The following PPP2R2B variants were observed in gnomAD, a reference collection of about 807,000 sequenced individuals.
PPP2R2B encodes serine/threonine-protein phosphatase 2A 55 kDa regulatory subunit B beta isoform.
PPP2R2B carries 5 observed loss-of-function variants against 46.0 expected under a neutral mutation model. The ratio of observed to expected loss-of-function variants is 0.11; its 90% CI spans 0.06 to 0.23. PPP2R2B has a LOEUF of 0.23. PPP2R2B is among the 10% of genes least tolerant of loss of function. The pLI is 1.00. For synonymous variants in PPP2R2B, 215 were observed against 206.7 expected, an observed-to-expected ratio of 1.04 and a Z score of -0.34; for missense variants, 367 against 575.0, an observed-to-expected ratio of 0.64 and a Z score of 3.70.
At chr5:146,824,682 T>C (rs753210488) in intron 2 of PPP2R2B, among the ~76,000 whole-genome samples, 6 of 151,736 alleles carry the variant, frequency 4.0e-5, no homozygotes, top group Non-Finnish European at 5.9e-5. Context: ...AAACTCTTCA[T>C]AATAATTAAT....
chr5:146,673,897 T>C (rs943579353), intron 5 of PPP2R2B, among the ~76,000 whole-genome samples: 5 of 152,240 alleles, frequency 3.3e-5, no homozygotes, highest in Non-Finnish European at 7.3e-5. Context: ...ACTTGCAGTT[T>C]CCCATTCTCA....
chr5:146,989,851 A>G (rs1232781093), intron 1 of PPP2R2B, among the ~76,000 whole-genome samples: 1 of 151,998 alleles, frequency 6.6e-6, no homozygotes, highest in Admixed American at 6.6e-5. Context: ...AGAAAATCCT[A>G]AAGACTCCAC....
intron 1 of PPP2R2B, among the ~76,000 whole-genome samples, chr5:147,021,613 G>A (rs989086750): frequency 1.3e-5 from 2 of 152,146 alleles, no homozygotes; most frequent in African/African-American, 2.4e-5. Flanking sequence ...TAGCAGCAGG[G>A]CTAAAATAGC....
chr5:146,891,754 G>A (rs947007443), intron 1 of PPP2R2B, among the ~76,000 whole-genome samples: 9 of 152,112 alleles, frequency 5.9e-5, no homozygotes, highest in Admixed American at 5.2e-4. Context: ...GGCATCTAGT[G>A]GAATGAGAAT....
chr5:146,964,048 C>A (rs1477915845), intron 1 of PPP2R2B, among the ~76,000 whole-genome samples: 1 of 152,156 alleles, frequency 6.6e-6, no homozygotes, highest in East Asian at 1.9e-4. Flanking sequence ...CAAATGTAGC[C>A]CTTAAGTCAG....
At chr5:146,856,649 T>C in intron 2 of PPP2R2B, 2 of 1,142,522 alleles carry the variant, frequency 1.8e-6, no homozygotes, top group Admixed American at 1.7e-5. Context: ...TTTGGTAACA[T>C]ACAGGTGCAT....
intron 2 of PPP2R2B, among the ~76,000 whole-genome samples, chr5:146,848,856 C>T (rs1243560706): frequency 6.6e-6 from 1 of 152,108 alleles, no homozygotes; most frequent in East Asian, 1.9e-4. Flanking sequence ...TTCTCCTCCT[C>T]TCCTATTTAT....
intron 1 of PPP2R2B, among the ~76,000 whole-genome samples, chr5:146,958,483 T>C (rs1752021142): frequency 6.6e-6 from 1 of 152,222 alleles, no homozygotes; most frequent in Non-Finnish European, 1.5e-5. Context: ...TATTACTTTA[T>C]TACCGTCACT....
intron 2 of PPP2R2B, among the ~76,000 whole-genome samples, chr5:146,760,811 T>C (rs1754115762): frequency 6.6e-6 from 1 of 152,072 alleles, no homozygotes. Flanking sequence ...CCAGGGGTAT[T>C]GAAGAAAATA....
chr5:146,758,574 T>C (rs1419996181), intron 2 of PPP2R2B, among the ~76,000 whole-genome samples: 1 of 152,056 alleles, frequency 6.6e-6, no homozygotes, highest in African/African-American at 2.4e-5. Context: ...AATGAATGAG[T>C]TCCCCATTAA....
chr5:146,629,671 C>T (rs1236214041), intron 7 of PPP2R2B, among the ~76,000 whole-genome samples: 1 of 152,110 alleles, frequency 6.6e-6, no homozygotes, highest in Non-Finnish European at 1.5e-5. Context: ...ATGATCTAGA[C>T]CCAGCCTACC....
intron 2 of PPP2R2B, among the ~76,000 whole-genome samples, chr5:147,062,429 C>A (rs947356599): frequency 1.3e-5 from 2 of 152,172 alleles, no homozygotes; most frequent in African/African-American, 4.8e-5. Flanking sequence ...TGAGTAGGTT[C>A]CAGTTACTCT....
Position 146,584,749 on chromosome 5 carries a change from A to G in PPP2R2B, c.*5198T>C, listed in dbSNP as rs1232646012. The G allele has an allele frequency of 1.3e-5, 2 of 152,158 alleles. No homozygotes were observed. Among genetic ancestry groups the G allele is most frequent in the Non-Finnish European group, 2.9e-5 (2 of 68,036 alleles). The allele number at this position is 152,158 out of a possible 1,614,324, so 9.4% of individuals were successfully genotyped here. On this transcript the variant is annotated 3_prime_UTR_variant, in exon 10 of 10. Transcript: ENST00000394411. ...GTGCTTAAAATAAGGTTTAATAAAT[A>G]TTTGTTATTGGATGAACAAAAGGAA...
intron 5 of PPP2R2B, among the ~76,000 whole-genome samples, chr5:146,657,494 C>A (rs988387323): frequency 6.6e-5 from 10 of 152,186 alleles, no homozygotes; most frequent in African/African-American, 2.4e-4. Context: ...AATACCATTG[C>A]TTGTTACGTA....
At chr5:147,068,571 G>T (rs1450578490) in intron 2 of PPP2R2B, among the ~76,000 whole-genome samples, 2 of 152,010 alleles carry the variant, frequency 1.3e-5, no homozygotes, top group East Asian at 1.9e-4. Flanking sequence ...GGTTTAAACT[G>T]CTATTAAATA....
At chr5:146,677,830 C>T (rs583096) in intron 5 of PPP2R2B, among the ~76,000 whole-genome samples, 136,676 of 152,152 alleles carry the variant, frequency 0.9, 61,685 homozygotes, top group East Asian at 1. Context: ...TCCTGGCCCG[C>T]TGTGACTATT....
At chr5:146,751,293 A>G (rs1385668879) in intron 2 of PPP2R2B, 1 of 152,272 alleles carries the variant, frequency 6.6e-6, no homozygotes, top group East Asian at 1.9e-4. Flanking sequence ...ATAGCGGGGA[A>G]GAGGTCATAG....
At chr5:146,900,552 T>TCCC (rs1762795397) in intron 1 of PPP2R2B, among the ~76,000 whole-genome samples, 1 of 89,784 alleles carries the variant, frequency 1.1e-5, no homozygotes, top group African/African-American at 4.4e-5. Context: ...TTTTCCTTCC[T>TCCC]TTCTTCCTTC....
intron 2 of PPP2R2B, among the ~76,000 whole-genome samples, chr5:146,733,158 C>T (rs888803376): frequency 1.8e-4 from 28 of 152,252 alleles, no homozygotes; most frequent in Middle Eastern, 3.4e-3. Flanking sequence ...GTGCTGTTCC[C>T]GCAATCTGGT....
Sources: gnomAD v4.1 joint callset for allele counts (sites outside exome capture counted in the v4.1 genomes callset) on GRCh38, gnomAD v4.1.1 for gene constraint, MANE v1.5 for transcripts, NCBI Gene and HGNC (gene_info 2026-07-23, HGNC 2026-07-21) for gene names.